RGS7: variants seen among roughly 807,000 people sequenced by gnomAD.
RGS7 encodes the protein regulator of G-protein signaling 7.
In RGS7, 27 loss-of-function variants were observed where a neutral mutation model predicts 81.1. That is an observed-to-expected ratio of 0.33 (90% CI 0.25 to 0.46). The LOEUF is 0.46. Among genes scored for constraint, RGS7 ranks in the 20% least tolerant of loss-of-function variants. The probability of loss-of-function intolerance (pLI) is 1.00; values close to 1 mark genes in which losing one functional copy is unlikely to be tolerated. For synonymous variants in RGS7, 208 were observed against 207.7 expected (o/e 1.00, Z -0.01); for missense variants, 396 against 607.4 (o/e 0.65, Z 3.66).
Position 241,156,132 on chromosome 1 carries a change from TGATAGATAGATA to T in RGS7, c.79-57382_79-57371del, listed in dbSNP as rs72097170. On this transcript the variant is annotated intron_variant, in intron 2 of 18. Transcript: ENST00000440928. ...AGATAGAGGATAGAAAGATAAATGA[TGATAGATAGATA>T]GATAGATAGATAGATAGATAGATAG... Among the ~76,000 whole-genome samples the T allele has an allele frequency of 1.9e-3, 281 of 147,016 alleles. 1 individual carries two copies. Among genetic ancestry groups the T allele is most frequent in the East Asian group, 8.5e-3 (42 of 4,930 alleles).
intron 2 of RGS7, among the ~76,000 whole-genome samples, chr1:241,108,290 G>A (rs1237608998): frequency 7.7e-6 from 1 of 129,212 alleles, no homozygotes; most frequent in Non-Finnish European, 1.6e-5. Context: ...GCGACAGAGC[G>A]AGACTCCGTC....
At chr1:241,080,079 G>C (rs534126519) in intron 3 of RGS7, among the ~76,000 whole-genome samples, 1 of 152,026 alleles carries the variant, frequency 6.6e-6, no homozygotes, top group African/African-American at 2.4e-5. Context: ...TTCAGTAACA[G>C]TCCAGATGGC....
intron 2 of RGS7, among the ~76,000 whole-genome samples, chr1:241,211,379 T>C (rs1044627855): frequency 2.0e-5 from 3 of 152,194 alleles, no homozygotes; most frequent in South Asian, 2.1e-4. Context: ...CCATGCCATT[T>C]TATTTCTGAA....
intron 2 of RGS7, among the ~76,000 whole-genome samples, chr1:241,172,956 G>A (rs550899851): frequency 3.3e-5 from 5 of 152,280 alleles, no homozygotes; most frequent in African/African-American, 1.2e-4. Context: ...AGAGAAAGCC[G>A]AGGAATTTGC....
chr1:241,186,433 GTT>G, intron 2 of RGS7: 2 of 903,542 alleles, frequency 2.2e-6, no homozygotes, highest in Non-Finnish European at 2.6e-6. Flanking sequence ...ATCTAAGATT[GTT>G]TTTTTTCTAG....
chr1:241,291,559 A>T (rs2079086110), intron 2 of RGS7, among the ~76,000 whole-genome samples: 1 of 125,734 alleles, frequency 8.0e-6, no homozygotes, highest in Non-Finnish European at 1.7e-5. Flanking sequence ...TCTGGCTCAG[A>T]GAATTCCCAG....
intron 3 of RGS7, among the ~76,000 whole-genome samples, chr1:241,004,347 T>C (rs755055387): frequency 6.6e-6 from 1 of 152,134 alleles, no homozygotes; most frequent in Non-Finnish European, 1.5e-5. Context: ...CGTGTAATAA[T>C]GGGGATACTG....
chr1:241,028,100 C>G (rs182747697), intron 3 of RGS7, among the ~76,000 whole-genome samples: 4 of 152,140 alleles, frequency 2.6e-5, no homozygotes, highest in Non-Finnish European at 5.9e-5. Flanking sequence ...AAATGAAGAT[C>G]GGGACAGCAG....
intron 2 of RGS7, among the ~76,000 whole-genome samples, chr1:241,216,566 T>C (rs1163905983): frequency 6.6e-6 from 1 of 152,206 alleles, no homozygotes; most frequent in Non-Finnish European, 1.5e-5. Context: ...ATGGTTTTCT[T>C]TGCATTACTT....
intron 2 of RGS7, among the ~76,000 whole-genome samples, chr1:241,259,036 GC>G (rs1262811410): frequency 6.6e-6 from 1 of 152,058 alleles, no homozygotes; most frequent in Admixed American, 6.5e-5. Context: ...CCCAGTTCCT[GC>G]CCCTCCCTTT....
intron 4 of RGS7, among the ~76,000 whole-genome samples, chr1:240,961,163 A>G (rs1681365928): frequency 6.6e-6 from 1 of 152,120 alleles, no homozygotes; most frequent in Non-Finnish European, 1.5e-5. Context: ...GCCAATTAGA[A>G]AAAAAAAGAG....
intron 2 of RGS7, among the ~76,000 whole-genome samples, chr1:241,355,007 A>G (rs1357566746): frequency 6.6e-6 from 1 of 152,238 alleles, no homozygotes; most frequent in Non-Finnish European, 1.5e-5. Flanking sequence ...CTCAGTGTCT[A>G]AAAGTTTGTT....
Position 241,156,611 on chromosome 1 carries a change from G to C in RGS7, c.79-57849C>G, listed in dbSNP as rs563991370. 5.1e-4 allele frequency among the ~76,000 whole-genome samples: 76 copies of C among 150,452 alleles called. No homozygotes were observed. In the South Asian group the frequency reaches 0.015, roughly 30 times the overall value. On this transcript the variant is annotated intron_variant, in intron 2 of 18. Coordinates refer to ENST00000440928, the MANE Select transcript of RGS7 (RefSeq NM_001364886.1). ...GGAGGGGAGACGAGGGGAGGGGAGGGGAGGGGAAATCCCTTCACCGAAGAC... is the reference window on the plus strand; with the variant it reads ...GGAGGGGAGACGAGGGGAGGGGAGGCGAGGGGAAATCCCTTCACCGAAGAC...
At chr1:241,113,300 G>T (rs1436791398) in intron 2 of RGS7, among the ~76,000 whole-genome samples, 2 of 152,008 alleles carry the variant, frequency 1.3e-5, no homozygotes, top group Non-Finnish European at 2.9e-5. Flanking sequence ...TTATCTTATG[G>T]CTAGAACACG....
chr1:240,783,095 G>A (rs1045398867), intron 18 of RGS7, among the ~76,000 whole-genome samples: 4 of 152,190 alleles, frequency 2.6e-5, no homozygotes, highest in Non-Finnish European at 1.5e-5. Context: ...TAAGTGAACA[G>A]AGAGCATCAT....
intron 2 of RGS7, among the ~76,000 whole-genome samples, chr1:241,248,614 T>A (rs896977963): frequency 7.9e-5 from 12 of 152,176 alleles, no homozygotes; most frequent in African/African-American, 1.4e-4. Flanking sequence ...GTATTTTTTT[T>A]AAAATTTCTT....
chr1:241,048,411 C>T (rs990176998), intron 3 of RGS7, among the ~76,000 whole-genome samples: 8 of 152,114 alleles, frequency 5.3e-5, no homozygotes, highest in African/African-American at 1.7e-4. Flanking sequence ...TCTCCCCCAC[C>T]CCTAACCTTT....
chr1:241,332,228 T>C (rs2082015508), intron 2 of RGS7, among the ~76,000 whole-genome samples: 1 of 152,144 alleles, frequency 6.6e-6, no homozygotes, highest in Non-Finnish European at 1.5e-5. Context: ...GGAAGGATAA[T>C]GGATCTGCAA....
At chr1:241,337,769 T>C (rs1346155310) in intron 2 of RGS7, among the ~76,000 whole-genome samples, 1 of 152,214 alleles carries the variant, frequency 6.6e-6, no homozygotes, top group Non-Finnish European at 1.5e-5. Flanking sequence ...TTCATTTTCA[T>C]AACTCAGGCA....
Sources: gnomAD v4.1 joint callset for allele counts (sites outside exome capture counted in the v4.1 genomes callset) on GRCh38, gnomAD v4.1.1 for gene constraint, MANE v1.5 for transcripts, NCBI Gene and HGNC (gene_info 2026-07-23, HGNC 2026-07-21) for gene names.